The following CDK14 variants were observed in gnomAD, a reference collection of about 807,000 sequenced individuals.
The protein encoded by CDK14 is cyclin dependent kinase 14, also known as cyclin-dependent kinase 14.
In CDK14, 34 loss-of-function variants were observed where a neutral mutation model predicts 60.7. That is an observed-to-expected ratio of 0.56 (90% CI 0.43 to 0.75). CDK14 has a LOEUF of 0.75. Ranked by LOEUF, CDK14 falls within the 30% of genes least tolerant of loss-of-function variation. The probability of loss-of-function intolerance (pLI) is 0.00; values close to 1 mark genes in which losing one functional copy is unlikely to be tolerated. For missense variants in CDK14, 482 were observed against 564.1 expected (o/e 0.85, Z 1.47); for synonymous variants, 197 against 203.7 (o/e 0.97, Z 0.28).
intron 2 of CDK14, among the ~76,000 whole-genome samples, chr7:90,650,305 G>A (rs896799379): frequency 7.9e-5 from 12 of 151,740 alleles, no homozygotes; most frequent in Non-Finnish European, 1.5e-4. Context: ...TGACGGGGTC[G>A]TTTGTTTTTT....
intron 5 of CDK14, among the ~76,000 whole-genome samples, chr7:90,847,253 T>A (rs1478405252): frequency 1.3e-5 from 2 of 152,188 alleles, no homozygotes. Flanking sequence ...TTTCCATATC[T>A]TCCGAGGTTA....
At chr7:91,039,797 A>C (rs941267899) in intron 10 of CDK14, among the ~76,000 whole-genome samples, 4 of 152,018 alleles carry the variant, frequency 2.6e-5, no homozygotes, top group African/African-American at 9.7e-5. Flanking sequence ...TCCTCTTAAA[A>C]AATTTCCTTC....
chr7:90,739,858 A>G (rs922143524), intron 3 of CDK14, among the ~76,000 whole-genome samples: 2 of 152,174 alleles, frequency 1.3e-5, no homozygotes, highest in East Asian at 1.9e-4. Context: ...TTAAATTTCT[A>G]TTTAAAACTT....
chr7:90,631,314 A>G (rs994732803), intron 2 of CDK14, among the ~76,000 whole-genome samples: 1 of 152,214 alleles, frequency 6.6e-6, no homozygotes, highest in African/African-American at 2.4e-5. Flanking sequence ...AGAAAGGCAG[A>G]CTGTCCACCT....
chr7:91,175,582 C>G (rs906222818), intron 14 of CDK14, among the ~76,000 whole-genome samples: 3 of 151,786 alleles, frequency 2.0e-5, no homozygotes, highest in African/African-American at 7.3e-5. Flanking sequence ...TGCAGAGACA[C>G]ACATAGGCTC....
intron 14 of CDK14, among the ~76,000 whole-genome samples, chr7:91,124,569 A>G (rs1468781925): frequency 2.0e-5 from 3 of 151,834 alleles, no homozygotes; most frequent in Non-Finnish European, 4.4e-5. Flanking sequence ...AAACTGGTTG[A>G]TGCTTCACAA....
intron 3 of CDK14, among the ~76,000 whole-genome samples, chr7:90,735,920 C>T (rs906627349): frequency 2.6e-5 from 4 of 152,178 alleles, no homozygotes; most frequent in African/African-American, 9.7e-5. Flanking sequence ...AAACGGCTGC[C>T]CAGTTTTGTG....
At chr7:91,058,526 T>C (rs1797661488) in intron 11 of CDK14, among the ~76,000 whole-genome samples, 1 of 152,234 alleles carries the variant, frequency 6.6e-6, no homozygotes, top group South Asian at 2.1e-4. Context: ...CCATTCAGTA[T>C]GATATTGGCT....
chr7:91,096,422 T>A (rs770843579), intron 12 of CDK14, among the ~76,000 whole-genome samples: 1 of 152,110 alleles, frequency 6.6e-6, no homozygotes, highest in Non-Finnish European at 1.5e-5. Context: ...TGGAAGTGGA[T>A]CCATCAGACC....
intron 2 of CDK14, among the ~76,000 whole-genome samples, chr7:90,625,531 CTT>C (rs1213700570): frequency 2.6e-5 from 4 of 152,170 alleles, no homozygotes; most frequent in African/African-American, 9.7e-5. Flanking sequence ...TTATTGATCT[CTT>C]ATACCTTGGA....
intron 5 of CDK14, among the ~76,000 whole-genome samples, chr7:90,801,815 A>G (rs543847516): frequency 6.6e-6 from 1 of 152,202 alleles, no homozygotes; most frequent in Admixed American, 6.5e-5. Context: ...TACAACCTAA[A>G]TGATAAGTAT....
At chr7:91,201,655 T>C (rs540625694) in intron 14 of CDK14, among the ~76,000 whole-genome samples, 48 of 152,268 alleles carry the variant, frequency 3.2e-4, no homozygotes, top group African/African-American at 1.1e-3. Flanking sequence ...AGCGATGTTG[T>C]CCCTCCGGCA....
At chr7:90,708,598 G>T (rs1801953181) in intron 2 of CDK14, among the ~76,000 whole-genome samples, 1 of 152,174 alleles carries the variant, frequency 6.6e-6, no homozygotes, top group South Asian at 2.1e-4. Context: ...TGAAGGTGAA[G>T]ATAGTTTGCA....
chr7:91,099,849 G>A (rs1799103717), intron 12 of CDK14, among the ~76,000 whole-genome samples: 1 of 152,072 alleles, frequency 6.6e-6, no homozygotes, highest in African/African-American at 2.4e-5. Context: ...AATCAATTCT[G>A]TTGAATACAT....
At chr7:91,152,227 C>T (rs1275696730) in intron 14 of CDK14, among the ~76,000 whole-genome samples, 1 of 152,174 alleles carries the variant, frequency 6.6e-6, no homozygotes, top group Non-Finnish European at 1.5e-5. Flanking sequence ...AGTGGGGAAG[C>T]ATACCAACTA....
chr7:91,088,980 C>A (rs948003383), intron 12 of CDK14, among the ~76,000 whole-genome samples: 2 of 152,042 alleles, frequency 1.3e-5, no homozygotes, highest in Non-Finnish European at 2.9e-5. Flanking sequence ...ACAACTATTG[C>A]AAAAGAATCG....
intron 12 of CDK14, among the ~76,000 whole-genome samples, chr7:91,097,335 C>T (rs1452510543): frequency 2.6e-5 from 4 of 151,838 alleles, no homozygotes; most frequent in African/African-American, 4.8e-5. Context: ...GAGCCAAAAT[C>T]GCACCATTGC....
intron 2 of CDK14, among the ~76,000 whole-genome samples, chr7:90,695,523 C>G (rs561092202): frequency 6.6e-6 from 1 of 152,246 alleles, no homozygotes; most frequent in East Asian, 1.9e-4. Flanking sequence ...ATAGACAAAT[C>G]TCTGCCACCA....
intron 4 of CDK14, among the ~76,000 whole-genome samples, chr7:90,782,627 C>G (rs1213198398): frequency 6.6e-6 from 1 of 151,916 alleles, no homozygotes; most frequent in African/African-American, 2.4e-5. Flanking sequence ...GGGGACTTGT[C>G]TATATTGTTT....
Sources: allele counts gnomAD v4.1 joint callset (sites outside exome capture counted in the v4.1 genomes callset), GRCh38; gene constraint gnomAD v4.1.1; transcripts MANE v1.5; gene names NCBI Gene and HGNC (gene_info 2026-07-23, HGNC 2026-07-21).